ALDH6A1: variants seen among roughly 807,000 people sequenced by gnomAD.
ALDH6A1 encodes aldehyde dehydrogenase 6 family member A1.
ALDH6A1 carries 43 observed loss-of-function variants against 62.6 expected under a neutral mutation model. The ratio of observed to expected loss-of-function variants is 0.69; its 90% CI spans 0.54 to 0.89. ALDH6A1 has a LOEUF of 0.89. Ranked by LOEUF, ALDH6A1 falls within the 40% of genes least tolerant of loss-of-function variation. The probability of loss-of-function intolerance (pLI) is 0.00; values close to 1 mark genes in which losing one functional copy is unlikely to be tolerated. For synonymous variants in ALDH6A1, 194 were observed against 234.2 expected, an observed-to-expected ratio of 0.83 and a Z score of 1.57; for missense variants, 551 against 661.3, an observed-to-expected ratio of 0.83 and a Z score of 1.83.
intron 6 of ALDH6A1, among the ~76,000 whole-genome samples, chr14:74,069,737 G>A (rs541229157): frequency 6.6e-6 from 1 of 151,812 alleles, no homozygotes; most frequent in South Asian, 2.1e-4. Flanking sequence ...TGGGCAACAA[G>A]AGCAAAACTC....
chr14:74,076,258 T>C (rs1027150743), intron 1 of ALDH6A1, among the ~76,000 whole-genome samples: 14 of 152,214 alleles, frequency 9.2e-5, no homozygotes, highest in African/African-American at 3.4e-4. Context: ...AAAAAATGTG[T>C]TGGATAGATA....
chr14:74,063,049 G>A (rs1224337208), intron 11 of ALDH6A1, among the ~76,000 whole-genome samples: 1 of 152,138 alleles, frequency 6.6e-6, no homozygotes, highest in Non-Finnish European at 1.5e-5. Context: ...ACCCCTGCCT[G>A]CCTCTCTAAC....
At chr14:74,069,096 T>TTTTTA in intron 6 of ALDH6A1, 115 bp from the exon 7 acceptor site, 3 of 984,520 alleles carry the variant, frequency 3.0e-6, no homozygotes, top group Non-Finnish European at 4.3e-6. Context: ...TTTCTTTTAC[T>TTTTTA]TTTTCTTTTT....
Position 74,060,586 on chromosome 14 carries a change from G to C in ALDH6A1, c.*56C>G, listed in dbSNP as rs2060316970. 8.1e-7 allele frequency: 1 copy of C among 1,231,352 alleles called. No homozygotes were observed. 76.3% of individuals were successfully genotyped at this position (1,231,352 alleles called of 1,614,324 possible). On this transcript the variant is annotated 3_prime_UTR_variant, in exon 12 of 12. Transcript: ENST00000553458. Reference sequence around the variant, plus strand: ...CTGAGCAAAGCTGACAAATGAAGCTGGTCAAAAATAAAGGGAGATTACTCA... The same window carrying C: ...CTGAGCAAAGCTGACAAATGAAGCTCGTCAAAAATAAAGGGAGATTACTCA...
intron 11 of ALDH6A1, among the ~76,000 whole-genome samples, chr14:74,063,165 C>T (rs9652370): frequency 0.17 from 25,295 of 151,692 alleles, 2,615 homozygotes; most frequent in East Asian, 0.57. Context: ...ACCTGTTGGC[C>T]GATGTGGCAA....
rs1375071449 is a variant in ALDH6A1 at position 74,057,197 on chromosome 14, C to G, written c.*3445G>C. 1.2e-6 allele frequency: 2 copies of G among 1,614,022 alleles called. No individual in the cohort carries two copies. Among genetic ancestry groups the G allele is most frequent in the Non-Finnish European group, 1.7e-6 (2 of 1,179,928 alleles). On this transcript the variant is annotated 3_prime_UTR_variant, in exon 12 of 12. Coordinates refer to ENST00000553458, the MANE Select transcript of ALDH6A1 (RefSeq NM_005589.4). Reference sequence around the variant, plus strand: ...TTCATCACCCAGCAAATTGCAATATCAGACTCTTCTGGTGAAGTGGTGCTA... The same window carrying G: ...TTCATCACCCAGCAAATTGCAATATGAGACTCTTCTGGTGAAGTGGTGCTA...
Position 74,056,942 on chromosome 14 carries a change from C to T in ALDH6A1, c.*3700G>A. The T allele has an allele frequency of 6.2e-7, 1 of 1,613,880 alleles. No homozygotes were observed. Among genetic ancestry groups the T allele is most frequent in the Non-Finnish European group, 8.5e-7 (1 of 1,179,878 alleles). On this transcript the variant is annotated 3_prime_UTR_variant, in exon 12 of 12. Transcript: ENST00000553458. The stretch of plus-strand genomic sequence containing the variant: ...AGAGTTCTAGGCCTCCAGTTCCAGA[C>T]TATGTTGTTTCTGACAGTGGGGAAA...
intron 6 of ALDH6A1, among the ~76,000 whole-genome samples, chr14:74,070,405 G>A (rs528463637): frequency 1.3e-5 from 2 of 152,168 alleles, no homozygotes; most frequent in Admixed American, 1.3e-4. Context: ...TGTAATCCCA[G>A]CTATTTAAGA....
chr14:74,076,150 A>C (rs1211852943), intron 1 of ALDH6A1, among the ~76,000 whole-genome samples: 1 of 152,204 alleles, frequency 6.6e-6, no homozygotes, highest in Non-Finnish European at 1.5e-5. Flanking sequence ...TACAAATGTT[A>C]AAACTCATCA....
At chr14:74,067,084 C>T (rs914320245) in intron 8 of ALDH6A1, among the ~76,000 whole-genome samples, 198 bp from the exon 9 acceptor site, 26 of 152,006 alleles carry the variant, frequency 1.7e-4, no homozygotes, top group African/African-American at 4.8e-4. Context: ...GGTGGTGGCC[C>T]GCACCTGTGG....
intron 1 of ALDH6A1, chr14:74,082,816 C>A (rs2060684083): frequency 1.3e-5 from 2 of 152,084 alleles, no homozygotes; most frequent in African/African-American, 2.4e-5. Context: ...CCAAATGAAT[C>A]AGAAAATACA....
rs200317769 is a variant in ALDH6A1 at position 74,066,158 on chromosome 14, TA to T, written c.1224+546del. On this transcript the variant is annotated intron_variant, in intron 9 of 11. Coordinates refer to ENST00000553458, the MANE Select transcript of ALDH6A1 (RefSeq NM_005589.4). ...ATTGATTGAGACACTGCAGTAGCCATAAGCTAGGCAGCAAGAGGGAGAGGGG... is the reference window on the plus strand; with the variant it reads ...ATTGATTGAGACACTGCAGTAGCCATAGCTAGGCAGCAAGAGGGAGAGGGG... 1,530 of 163,306 alleles carry T rather than the reference TA, an allele frequency of 9.4e-3. 30 individuals are homozygous for T. Among genetic ancestry groups the T allele is most frequent in the African/African-American group, 0.034 (1,427 of 41,610 alleles). The allele number at this position is 163,306 out of a possible 1,614,324, so 10.1% of individuals were successfully genotyped here.
In ALDH6A1 at chr14:74,064,937, C is replaced by G. The variant is rs746374534; in HGVS notation, c.1405-17G>C. Reference sequence around the variant, plus strand: ...CACTCCCACCTAAAACAGAACAAATCCGTGTCATATCCTAAGGACAAAGGA... The same window carrying G: ...CACTCCCACCTAAAACAGAACAAATGCGTGTCATATCCTAAGGACAAAGGA... On this transcript the variant is annotated splice_polypyrimidine_tract_variant and intron_variant, in intron 10 of 11. Coordinates refer to ENST00000553458, the MANE Select transcript of ALDH6A1 (RefSeq NM_005589.4). 1.9e-6 allele frequency: 3 copies of G among 1,605,824 alleles called. No individual in the cohort carries two copies. In the South Asian group the frequency reaches 3.3e-5, roughly 18 times the overall value.
intron 1 of ALDH6A1, among the ~76,000 whole-genome samples, 180 bp downstream of exon 1, chr14:74,084,167 G>A (rs1029301328): frequency 6.6e-6 from 1 of 152,124 alleles, no homozygotes; most frequent in African/African-American, 2.4e-5. Context: ...GGTTGGATCC[G>A]GGACCAGGGA....
chr14:74,078,012 A>G (rs892093702), intron 1 of ALDH6A1, among the ~76,000 whole-genome samples: 3 of 152,226 alleles, frequency 2.0e-5, no homozygotes, highest in Non-Finnish European at 2.9e-5. Flanking sequence ...AAGCTGAGGC[A>G]GGAGGATCTC....
chr14:74,065,714 T>C, intron 9 of ALDH6A1: 1 of 277,786 alleles, frequency 3.6e-6, no homozygotes, highest in South Asian at 3.9e-5. Context: ...TTTTTATAAA[T>C]CCAATCTATA....
chr14:74,072,480 A>G (rs2060563629), intron 3 of ALDH6A1, 57 bp downstream of exon 3: 5 of 1,613,578 alleles, frequency 3.1e-6, no homozygotes, highest in Admixed American at 3.3e-5. Flanking sequence ...CTTCTTGCCC[A>G]TCATGTCCCT....
At chr14:74,084,133 A>G (rs2139828779) in intron 1 of ALDH6A1, among the ~76,000 whole-genome samples, 1 of 152,290 alleles carries the variant, frequency 6.6e-6, no homozygotes, top group East Asian at 1.9e-4. Flanking sequence ...GTAAAAGGGT[A>G]GAGGGCCAAG....
chr14:74,071,420 G>T lies in ALDH6A1; in HGVS notation c.505C>A (p.Leu169Ile). Residue 169 changes from leucine to isoleucine, a missense_variant, in exon 6 of 12, where the codon CTT (leucine) becomes ATT (isoleucine). Leu to Ile is a conservative substitution (Grantham distance 5, BLOSUM62 2). Coordinates refer to ENST00000553458, the MANE Select transcript of ALDH6A1 (RefSeq NM_005589.4). ...CCCAGAGGCAGACGGTAGGAATAAA[G>T]GTCCATGTCTTTGGTGATGGATGGC... is the stretch of plus-strand genomic sequence containing the variant. The part of the protein sequence containing the change: ...TMPSITKDMD[L>I]YSYRLPLGVC... 2 of 1,614,152 alleles carry T rather than the reference G, an allele frequency of 1.2e-6. No homozygotes were observed. Among genetic ancestry groups the T allele is most frequent in the East Asian group, 2.2e-5 (1 of 44,888 alleles).
Sources: allele counts gnomAD v4.1 joint callset (sites outside exome capture counted in the v4.1 genomes callset), GRCh38; gene constraint gnomAD v4.1.1; transcripts MANE v1.5; gene names NCBI Gene and HGNC (gene_info 2026-07-23, HGNC 2026-07-21).